Variants in CEP63 observed in about 807,000 individuals in gnomAD.
CEP63 encodes centrosomal protein 63, also known as centrosomal protein of 63 kDa.
Under a neutral mutation model 89.1 loss-of-function variants are expected in CEP63, and 84 were observed. The ratio of observed to expected loss-of-function variants is 0.94; its 90% CI spans 0.79 to 1.13. The LOEUF is 1.13. Among genes scored for constraint, CEP63 ranks in the 50% most tolerant of loss-of-function variants. CEP63 has a pLI of 0.00. For synonymous variants in CEP63, 267 were observed against 272.5 expected (o/e 0.98, Z 0.20); for missense variants, 838 against 813.3 (o/e 1.03, Z -0.37).
At chr3:134,675,542 A>G in the CEP63 span, among the ~76,000 whole-genome samples, 3 of 152,342 alleles carry the variant, frequency 2.0e-5, no homozygotes, top group Admixed American at 6.5e-5. Flanking sequence ...TGGACTTTCT[A>G]AAAACAAAAT....
At chr3:134,616,030 T>C in the CEP63 span, among the ~76,000 whole-genome samples, 1 of 152,194 alleles carries the variant, frequency 6.6e-6, no homozygotes, top group East Asian at 1.9e-4. Flanking sequence ...GCTAAAGCCA[T>C]GCTAACGGGA....
intron 3 of CEP63, among the ~76,000 whole-genome samples, chr3:134,513,170 A>C (rs1428238686): frequency 6.6e-6 from 1 of 152,066 alleles, no homozygotes; most frequent in Non-Finnish European, 1.5e-5. Flanking sequence ...TCCCTTCATC[A>C]TTATTCTGGA....
At chr3:134,776,683 G>A in the CEP63 span, among the ~76,000 whole-genome samples, 3 of 152,186 alleles carry the variant, frequency 2.0e-5, no homozygotes, top group African/African-American at 7.2e-5. Context: ...TCATGATGAG[G>A]CTGAGGTGTA....
chr3:134,539,875 A>G (rs1169737511), intron 6 of CEP63, among the ~76,000 whole-genome samples: 2 of 152,228 alleles, frequency 1.3e-5, no homozygotes, highest in Non-Finnish European at 2.9e-5. Flanking sequence ...AATGAGAAAT[A>G]AATAAATCAC....
chr3:134,748,528 C>T, the CEP63 span, among the ~76,000 whole-genome samples: 21 of 152,114 alleles, frequency 1.4e-4, no homozygotes, highest in East Asian at 3.5e-3. Flanking sequence ...TACTGAATGC[C>T]GCCCAGAAGA....
upstream of CEP63, chr3:134,485,981 C>T: frequency 2.2e-6 from 2 of 916,114 alleles, no homozygotes; most frequent in African/African-American, 2.6e-5. Flanking sequence ...CAGACGCTTG[C>T]TCCTGCCACG....
chr3:134,747,292 T>C, the CEP63 span, among the ~76,000 whole-genome samples: 1 of 152,248 alleles, frequency 6.6e-6, no homozygotes, highest in African/African-American at 2.4e-5. Context: ...ATCTCTGTTT[T>C]GGTACCAGTA....
At chr3:134,509,042 A>G (rs1333818365) in intron 3 of CEP63, among the ~76,000 whole-genome samples, 1 of 151,948 alleles carries the variant, frequency 6.6e-6, no homozygotes, top group Non-Finnish European at 1.5e-5. Flanking sequence ...CAACCAATGA[A>G]GGGCAGGAAG....
chr3:134,630,625 C>T, the CEP63 span, among the ~76,000 whole-genome samples: 15 of 152,226 alleles, frequency 9.9e-5, no homozygotes, highest in Non-Finnish European at 2.2e-4. Flanking sequence ...AAACATCATA[C>T]CACAGTCTTC....
intron 2 of CEP63, among the ~76,000 whole-genome samples, chr3:134,502,383 A>G (rs1942247677): frequency 6.6e-6 from 1 of 152,172 alleles, no homozygotes. Context: ...GTTTTGGAAT[A>G]GTTTCAGTAG....
At chr3:134,505,981 G>A (rs1943343995) in intron 2 of CEP63, among the ~76,000 whole-genome samples, 1 of 152,116 alleles carries the variant, frequency 6.6e-6, no homozygotes, top group African/African-American at 2.4e-5. Context: ...CATTTTGGGG[G>A]GACTTTTTTT....
At chr3:134,745,153 G>T in the CEP63 span, among the ~76,000 whole-genome samples, 3 of 152,126 alleles carry the variant, frequency 2.0e-5, no homozygotes, top group South Asian at 6.2e-4. Context: ...AACTTTCTCC[G>T]ACCATTAAAC....
At chr3:134,733,520 A>AGATATAACC in the CEP63 span, among the ~76,000 whole-genome samples, 1 of 152,228 alleles carries the variant, frequency 6.6e-6, no homozygotes, top group Non-Finnish European at 1.5e-5. Context: ...TGCAGATATA[A>AGATATAACC]TCAATTAAGA....
chr3:134,725,950 G>A, the CEP63 span, among the ~76,000 whole-genome samples: 1 of 152,142 alleles, frequency 6.6e-6, no homozygotes, highest in Non-Finnish European at 1.5e-5. Flanking sequence ...CTGAAGGACG[G>A]GAGTCTGTGG....
Position 134,562,198 on chromosome 3 carries a change from C to A in CEP63, c.*663C>A. 2 of 986,250 alleles carry A rather than the reference C, an allele frequency of 2.0e-6. No individual in the cohort carries two copies. Among genetic ancestry groups the A allele is most frequent in the Non-Finnish European group, 2.4e-6 (2 of 830,430 alleles). 61.1% of individuals were successfully genotyped at this position (986,250 alleles called of 1,614,324 possible). A position where few individuals can be genotyped will look rare whatever the true frequency, so the allele number is the denominator to read the frequency against. On this transcript the variant is annotated 3_prime_UTR_variant, in exon 15 of 15. Coordinates refer to ENST00000675561, the MANE Select transcript of CEP63 (RefSeq NM_001353108.3). ...GGAATATCCATTGGAAATAAATGTTCATCGTCTGCACTGCTGAGGACAAGT... is the reference window on the plus strand; with the variant it reads ...GGAATATCCATTGGAAATAAATGTTAATCGTCTGCACTGCTGAGGACAAGT...
chr3:134,557,022 G>A (rs548291534), intron 12 of CEP63, among the ~76,000 whole-genome samples: 10 of 152,212 alleles, frequency 6.6e-5, no homozygotes, highest in Admixed American at 3.3e-4. Context: ...ATAATTATTA[G>A]AAAATGCCCT....
the CEP63 span, chr3:134,651,473 A>T: frequency 9.9e-7 from 1 of 1,010,650 alleles, no homozygotes; most frequent in Admixed American, 5.3e-5. Context: ...AAGGAAAGAC[A>T]GCAAAGGGGC....
the CEP63 span, among the ~76,000 whole-genome samples, chr3:134,701,687 C>T: frequency 6.6e-6 from 1 of 151,996 alleles, no homozygotes. Context: ...TGCCCTTTCT[C>T]ACCACTCCTA....
chr3:134,538,863 A>G (rs1951419948), intron 6 of CEP63, among the ~76,000 whole-genome samples: 1 of 151,996 alleles, frequency 6.6e-6, no homozygotes, highest in South Asian at 2.1e-4. Context: ...ATTTCATATT[A>G]CTGTTGTGAT....
Sources: allele counts gnomAD v4.1 joint callset (sites outside exome capture counted in the v4.1 genomes callset), GRCh38; gene constraint gnomAD v4.1.1; transcripts MANE v1.5; gene names NCBI Gene and HGNC (gene_info 2026-07-23, HGNC 2026-07-21).